Variants in SULT2B1 observed in about 807,000 individuals in gnomAD.
SULT2B1 encodes the protein sulfotransferase 2B1.
In SULT2B1, 16 loss-of-function variants were observed where a neutral mutation model predicts 33.2. The observed-to-expected ratio is 0.48, with a 90% confidence interval of 0.33 to 0.73. The LOEUF (loss-of-function observed/expected upper bound fraction) is 0.73. Ranked by LOEUF, SULT2B1 falls within the 30% of genes least tolerant of loss-of-function variation. The pLI, the probability that SULT2B1 is intolerant of heterozygous loss-of-function variation, is 0.02. For synonymous variants in SULT2B1, 186 were observed against 200.5 expected (o/e 0.93, Z 0.61); for missense variants, 500 against 506.0 (o/e 0.99, Z 0.11).
At chr19:48,588,850 T>C (rs1973603927) in intron 3 of SULT2B1, among the ~76,000 whole-genome samples, 1 of 152,016 alleles carries the variant, frequency 6.6e-6, no homozygotes, top group East Asian at 1.9e-4. Flanking sequence ...GAGGTGGGTG[T>C]ATCTGAGGTG....
At chr19:48,575,864 C>A in intron 1 of SULT2B1, 77 bp from the exon 2 acceptor site, 5 of 1,550,150 alleles carry the variant, frequency 3.2e-6, no homozygotes, top group Non-Finnish European at 4.4e-6. Flanking sequence ...TTGCCAGGGT[C>A]CGAGTGTCGC....
chr19:48,594,001 G>A (rs933442141), intron 5 of SULT2B1, among the ~76,000 whole-genome samples: 3 of 151,784 alleles, frequency 2.0e-5, no homozygotes, highest in Non-Finnish European at 2.9e-5. Flanking sequence ...GCTCACGCCT[G>A]TAATCCCAAC....
intron 1 of SULT2B1, among the ~76,000 whole-genome samples, chr19:48,560,732 G>T (rs917456048): frequency 6.6e-6 from 1 of 151,548 alleles, no homozygotes; most frequent in South Asian, 2.1e-4. Flanking sequence ...AAGCCGAGAC[G>T]TGTGGATCCC....
At chr19:48,559,979 TAAAAA>T (rs1973154199) in intron 1 of SULT2B1, among the ~76,000 whole-genome samples, 1 of 146,632 alleles carries the variant, frequency 6.8e-6, no homozygotes, top group African/African-American at 2.6e-5. Context: ...AAAAAAAAAT[TAAAAA>T]GAAAAGAAGA....
chr19:48,570,061 G>A (rs191946241), intron 1 of SULT2B1, among the ~76,000 whole-genome samples: 72 of 152,244 alleles, frequency 4.7e-4, no homozygotes, highest in Non-Finnish European at 9.3e-4. Flanking sequence ...GCTGTGATTT[G>A]GCCAACCACA....
chr19:48,554,657 T>A (rs1356823436), intron 1 of SULT2B1, among the ~76,000 whole-genome samples: 2 of 20,518 alleles, frequency 9.7e-5, no homozygotes, highest in Non-Finnish European at 1.7e-4. Context: ...TCTACTGCTT[T>A]TTTTTTTTTT....
intron 5 of SULT2B1, chr19:48,595,797 C>T (rs935946695): frequency 1.3e-5 from 2 of 151,922 alleles, no homozygotes; most frequent in African/African-American, 4.8e-5. Flanking sequence ...CTCCCGAGCA[C>T]CTGGGATTAC....
At chr19:48,592,888 C>CTGAGACCCT in intron 5 of SULT2B1, 72 bp downstream of exon 5, 1 of 1,377,832 alleles carries the variant, frequency 7.3e-7, no homozygotes, top group Non-Finnish European at 1.0e-6. Flanking sequence ...TCTCCCCTTC[C>CTGAGACCCT]CGAGGGTCTC....
At chr19:48,569,300 C>A (rs12981299) in intron 1 of SULT2B1, among the ~76,000 whole-genome samples, 78,695 of 146,916 alleles carry the variant, frequency 0.54, 22,502 homozygotes, top group South Asian at 0.68. Flanking sequence ...CAAGATCGCG[C>A]CACTGCACTC....
At chr19:48,556,803 T>C (rs867600543) in intron 1 of SULT2B1, among the ~76,000 whole-genome samples, 42 of 150,490 alleles carry the variant, frequency 2.8e-4, no homozygotes, top group African/African-American at 9.8e-4. Flanking sequence ...ATAAAAAAAT[T>C]AGCCAGAGTT....
intron 2 of SULT2B1, among the ~76,000 whole-genome samples, chr19:48,578,227 G>T (rs10424237): frequency 6.6e-6 from 1 of 151,804 alleles, no homozygotes; most frequent in Non-Finnish European, 1.5e-5. Context: ...AATAGAAAAA[G>T]GTACAATTCA....
rs1344158046 is a variant in SULT2B1, at chr19:48,591,695, C to G, written c.510C>G (p.Gly170=). 1.9e-6 allele frequency: 3 copies of G among 1,611,394 alleles called. No individual in the cohort carries two copies. The highest frequency in any genetic ancestry group is 2.5e-6 in the Non-Finnish European group (3 of 1,178,768). The change falls in exon 4 of 7, where the codon GGC becomes GGG. Residue 170 remains glycine (G), a synonymous_variant. Coordinates refer to ENST00000201586, the MANE Select transcript of SULT2B1 (RefSeq NM_177973.2). ...SKIAGQLKDP[G]TPDQFLRDFL... is the part of the protein sequence containing the mutation. ...TCGCCGGGCAGTTAAAGGACCCGGG[C>G]ACACCCGACCAGTTCCTGAGGGACT...
chr19:48,572,021 C>G (rs1022727117), intron 1 of SULT2B1, among the ~76,000 whole-genome samples: 1 of 152,150 alleles, frequency 6.6e-6, no homozygotes. Context: ...TTTCACTACT[C>G]ACTTCCTGAG....
rs944752140 is a variant in SULT2B1 at position 48,552,387 on chromosome 19, C to T, written c.71+64C>T. Reference sequence around the variant, plus strand: ...GGAGGAGGTGGCTGTTTGGGGGAGCCGGGGACTGTGGCAAGGGTGGCCTCC... The same window carrying T: ...GGAGGAGGTGGCTGTTTGGGGGAGCTGGGGACTGTGGCAAGGGTGGCCTCC... On this transcript the variant is annotated intron_variant, in intron 1 of 6. Transcript: ENST00000201586. The surrounding 1 kb of genome is among the most constrained non-coding windows in gnomAD (Gnocchi z 4.8). The T allele has an allele frequency of 5.2e-6, 8 of 1,528,896 alleles. No individual in the cohort carries two copies. Among genetic ancestry groups the T allele is most frequent in the Middle Eastern group, 2.0e-4 (1 of 5,066 alleles). 94.7% of individuals were successfully genotyped at this position (1,528,896 alleles called of 1,614,324 possible).
intron 1 of SULT2B1, among the ~76,000 whole-genome samples, chr19:48,562,735 A>C (rs1319980834): frequency 6.6e-6 from 1 of 152,076 alleles, no homozygotes; most frequent in Non-Finnish European, 1.5e-5. Flanking sequence ...TCCAGAGTGC[A>C]GTGGCGCGAT....
intron 1 of SULT2B1, among the ~76,000 whole-genome samples, chr19:48,569,361 A>AAAAATATATATAT (rs1568405757): frequency 1.0e-4 from 1 of 9,968 alleles, no homozygotes; most frequent in Non-Finnish European, 1.9e-4. Context: ...AAAAAAAAAA[A>AAAAATATATATAT]ACATATATAT....
At chr19:48,575,100 CTTTTTTTTTT>C (rs66515808) in intron 1 of SULT2B1, among the ~76,000 whole-genome samples, 17 of 81,428 alleles carry the variant, frequency 2.1e-4, no homozygotes, top group Non-Finnish European at 2.2e-5. Flanking sequence ...CTGTTTTAAC[CTTTTTTTTTT>C]TTTTTTTTTT....
chr19:48,567,534 C>T (rs888507629), intron 1 of SULT2B1, among the ~76,000 whole-genome samples: 11 of 152,098 alleles, frequency 7.2e-5, no homozygotes, highest in African/African-American at 2.4e-5. Context: ...GGCGACAGAG[C>T]GAGACTCTGT....
At position 48,579,887 on chromosome 19, in the gene SULT2B1, G is replaced by A. The variant is rs1047508613; in HGVS notation, c.214+3804G>A. Among the ~76,000 whole-genome samples, 14 of 152,024 alleles carry A rather than the reference G, an allele frequency of 9.2e-5. No individual in the cohort carries two copies. In the East Asian group the frequency reaches 1.4e-3, roughly 15 times the overall value. ...TTCCCGAAGTGCTGGGATTACAGGC[G>A]TGAGCCACTGCTCTCGGCCTTGCAT... On this transcript the variant is annotated intron_variant, in intron 2 of 6. Transcript: ENST00000201586.
Sources: gnomAD v4.1 joint callset for allele counts (sites outside exome capture counted in the v4.1 genomes callset) on GRCh38, gnomAD v4.1.1 for gene constraint, Gnocchi (gnomAD v3.1) non-coding constraint, MANE v1.5 for transcripts, NCBI Gene and HGNC (gene_info 2026-07-23, HGNC 2026-07-21) for gene names.